LYNX1: variants seen among roughly 807,000 people sequenced by gnomAD.
LYNX1 encodes ly-6/neurotoxin-like protein 1.
Under a neutral mutation model 8.3 loss-of-function variants are expected in LYNX1, and 8 were observed. The ratio of observed to expected loss-of-function variants is 0.97; its 90% CI spans 0.57 to 1.74. LYNX1 has a LOEUF of 1.74. Among genes scored for constraint, LYNX1 ranks in the 40% most tolerant of loss-of-function variants. The pLI is 0.00. For missense variants in LYNX1, 158 were observed against 159.7 expected, an observed-to-expected ratio of 0.99 and a Z score of 0.06; for synonymous variants, 73 against 67.9, an observed-to-expected ratio of 1.08 and a Z score of -0.37.
chr8:142,774,743 C>T lies in LYNX1; in HGVS notation c.*424G>A, dbSNP rs1815330464. 1 of 1,037,186 alleles carries T rather than the reference C, an allele frequency of 9.6e-7. No individual in the cohort carries two copies. Among genetic ancestry groups the T allele is most frequent in the Non-Finnish European group, 1.2e-6 (1 of 862,346 alleles). 64.2% of individuals were successfully genotyped at this position (1,037,186 alleles called of 1,614,324 possible). A position where few individuals can be genotyped will look rare whatever the true frequency, so the allele number is the denominator to read the frequency against. On this transcript the variant is annotated 3_prime_UTR_variant, in exon 4 of 4. Coordinates refer to ENST00000652477, the MANE Select transcript of LYNX1 (RefSeq NM_177477.4). Reference sequence around the variant, plus strand: ...GAGGAGCCTTTCCTCCTAAGAGTCTCCCCACCACCCCACCTGCGGGCATTC... The same window carrying T: ...GAGGAGCCTTTCCTCCTAAGAGTCTTCCCACCACCCCACCTGCGGGCATTC...
rs1815208162 is a variant in LYNX1, at chr8:142,772,114, C to T, written c.*3053G>A. The T allele has an allele frequency of 1.0e-6, 1 of 986,270 alleles. No individual in the cohort carries two copies. Among genetic ancestry groups the T allele is most frequent in the South Asian group, 4.7e-5 (1 of 21,304 alleles). The allele number at this position is 986,270 out of a possible 1,614,324, so 61.1% of individuals were successfully genotyped here. On this transcript the variant is annotated 3_prime_UTR_variant, in exon 4 of 4. Transcript: ENST00000652477. ...CCCAAGCAGCCACTCCTGTCCAGTT[C>T]CCAGAATGTATAACATCCTAGGGTG...
chr8:142,775,873 T>C, intron 2 of LYNX1, 33 bp downstream of exon 2: 1 of 1,613,760 alleles, frequency 6.2e-7, no homozygotes, highest in South Asian at 1.1e-5. Context: ...TCAAAGTGGG[T>C]CTGCCCATCC....
rs1001337475 is a variant in LYNX1 at position 142,777,183 on chromosome 8, G to C, written c.-242C>G. The C allele has an allele frequency of 6.5e-6, 1 of 152,742 alleles. No individual in the cohort carries two copies. Among genetic ancestry groups the C allele is most frequent in the African/African-American group, 2.4e-5 (1 of 41,468 alleles). The allele number at this position is 152,742 out of a possible 1,614,324, so 9.5% of individuals were successfully genotyped here. On this transcript the variant is annotated 5_prime_UTR_variant, in exon 1 of 4. Coordinates refer to ENST00000652477, the MANE Select transcript of LYNX1 (RefSeq NM_177477.4). ...CGCTCGCCGGTAGGTGCCTGCCTGAGTCTAATCGTAGGCGTGTCTGTGTGT... is the reference window on the plus strand; with the variant it reads ...CGCTCGCCGGTAGGTGCCTGCCTGACTCTAATCGTAGGCGTGTCTGTGTGT...
chr8:142,776,153 G>A lies in LYNX1; in HGVS notation c.-164-32C>T, dbSNP rs1815416405. On this transcript the variant is annotated intron_variant, in intron 1 of 3. Transcript: ENST00000652477. ...AGCAGGTGGCAAAGACAGGTGGTCA[G>A]TACTGGGCCTGAAGGACCCATGGGG... 3 of 642,040 alleles carry A rather than the reference G, an allele frequency of 4.7e-6. No individual in the cohort carries two copies. In the East Asian group the frequency reaches 8.5e-5, roughly 18 times the overall value. 39.8% of individuals were successfully genotyped at this position (642,040 alleles called of 1,614,324 possible). A position where few individuals can be genotyped will look rare whatever the true frequency, so the allele number is the denominator to read the frequency against.
Position 142,771,622 on chromosome 8 carries a change from A to G in LYNX1, c.*3545T>C. 1.0e-6 allele frequency: 1 copy of G among 985,762 alleles called. No homozygotes were observed. Among genetic ancestry groups the G allele is most frequent in the Non-Finnish European group, 1.2e-6 (1 of 829,954 alleles). 61.1% of individuals were successfully genotyped at this position (985,762 alleles called of 1,614,324 possible). ...CCTCCCTGCGAGCTGAGGTTTGAAG[A>G]GGAGAGCAGACCACCCAGAGTAGTG... On this transcript the variant is annotated 3_prime_UTR_variant, in exon 4 of 4. Coordinates refer to ENST00000652477, the MANE Select transcript of LYNX1 (RefSeq NM_177477.4).
Position 142,775,011 on chromosome 8 carries a change from G to A in LYNX1, c.*156C>T. 1 of 1,439,198 alleles carries A rather than the reference G, an allele frequency of 6.9e-7. No individual in the cohort carries two copies. Among genetic ancestry groups the A allele is most frequent in the Non-Finnish European group, 9.1e-7 (1 of 1,100,586 alleles). The allele number at this position is 1,439,198 out of a possible 1,614,324, so 89.2% of individuals were successfully genotyped here. ...CTCGAAGTGAGGTCGTGTGGTGGTT[G>A]GGGGAGGTCGGGTGTCTTCTTGCCC... is the stretch of plus-strand genomic sequence containing the variant. On this transcript the variant is annotated 3_prime_UTR_variant, in exon 4 of 4. Coordinates refer to ENST00000652477, the MANE Select transcript of LYNX1 (RefSeq NM_177477.4).
Position 142,771,778 on chromosome 8 carries a change from G to T in LYNX1, c.*3389C>A, listed in dbSNP as rs922608111. 6.1e-6 allele frequency: 6 copies of T among 985,704 alleles called. No homozygotes were observed. Among genetic ancestry groups the T allele is most frequent in the African/African-American group, 5.2e-5 (3 of 57,192 alleles). The allele number at this position is 985,704 out of a possible 1,614,324, so 61.1% of individuals were successfully genotyped here. A position where few individuals can be genotyped will look rare whatever the true frequency, so the allele number is the denominator to read the frequency against. On this transcript the variant is annotated 3_prime_UTR_variant, in exon 4 of 4. Transcript: ENST00000652477. Reference sequence around the variant, plus strand: ...GATGACGAATCAGATGCTACATAGTGGGGGAGGCGGCAGCTGGCCTGGCTC... The same window carrying T: ...GATGACGAATCAGATGCTACATAGTTGGGGAGGCGGCAGCTGGCCTGGCTC...
rs1815273611 is a variant in LYNX1, at chr8:142,773,671, C to T, written c.*1496G>A. The T allele has an allele frequency of 4.1e-6, 4 of 985,372 alleles. No individual in the cohort carries two copies. Among genetic ancestry groups the T allele is most frequent in the Non-Finnish European group, 4.8e-6 (4 of 829,918 alleles). 61.0% of individuals were successfully genotyped at this position (985,372 alleles called of 1,614,324 possible). A position where few individuals can be genotyped will look rare whatever the true frequency, so the allele number is the denominator to read the frequency against. On this transcript the variant is annotated 3_prime_UTR_variant, in exon 4 of 4. Coordinates refer to ENST00000652477, the MANE Select transcript of LYNX1 (RefSeq NM_177477.4). Reference sequence around the variant, plus strand: ...GCAAGGAGACCCCTGGGGTGGAGACCCTCATTCCCTGATCCCCCAGGGGTC... The same window carrying T: ...GCAAGGAGACCCCTGGGGTGGAGACTCTCATTCCCTGATCCCCCAGGGGTC...
rs1030045433 is a variant in LYNX1 at position 142,772,999 on chromosome 8, G to A, written c.*2168C>T. The A allele has an allele frequency of 5.1e-6, 5 of 985,590 alleles. No individual in the cohort carries two copies. Among genetic ancestry groups the A allele is most frequent in the Non-Finnish European group, 6.0e-6 (5 of 830,040 alleles). The allele number at this position is 985,590 out of a possible 1,614,324, so 61.1% of individuals were successfully genotyped here. A position where few individuals can be genotyped will look rare whatever the true frequency, so the allele number is the denominator to read the frequency against. On this transcript the variant is annotated 3_prime_UTR_variant, in exon 4 of 4. Coordinates refer to ENST00000652477, the MANE Select transcript of LYNX1 (RefSeq NM_177477.4). ...GTTCTCAGCTGCCCCTGAGCCATGGGTGGCCAGGTCTCCTCCCCATCACCC... is the reference window on the plus strand; with the variant it reads ...GTTCTCAGCTGCCCCTGAGCCATGGATGGCCAGGTCTCCTCCCCATCACCC...
In LYNX1 at chr8:142,772,543, G is replaced by A. The variant is rs940391295; in HGVS notation, c.*2624C>T. On this transcript the variant is annotated 3_prime_UTR_variant, in exon 4 of 4. Coordinates refer to ENST00000652477, the MANE Select transcript of LYNX1 (RefSeq NM_177477.4). ...TGAGTGAGCGAGGAGGCACTAGTGT[G>A]GGGCAGCTACTTCACCTCCCTGTGC... The A allele has an allele frequency of 2.0e-6, 2 of 985,430 alleles. No homozygotes were observed. Among genetic ancestry groups the A allele is most frequent in the Non-Finnish European group, 2.4e-6 (2 of 830,006 alleles). 61.0% of individuals were successfully genotyped at this position (985,430 alleles called of 1,614,324 possible). A position where few individuals can be genotyped will look rare whatever the true frequency, so the allele number is the denominator to read the frequency against.
chr8:142,773,782 T>C lies in LYNX1; in HGVS notation c.*1385A>G, dbSNP rs1815279379. ...TTGGGGCCGGGACAATCCTACCACA[T>C]GGATATGTCACCATCCTGCCCATGC... On this transcript the variant is annotated 3_prime_UTR_variant, in exon 4 of 4. Coordinates refer to ENST00000652477, the MANE Select transcript of LYNX1 (RefSeq NM_177477.4). 1 of 985,112 alleles carries C rather than the reference T, an allele frequency of 1.0e-6. No homozygotes were observed. 61.0% of individuals were successfully genotyped at this position (985,112 alleles called of 1,614,324 possible). A position where few individuals can be genotyped will look rare whatever the true frequency, so the allele number is the denominator to read the frequency against.
Position 142,775,935 on chromosome 8 carries a change from A to C in LYNX1, c.23T>G (p.Ile8Ser). ...AGGTAAGCCCATGAGGACCACCAGG[A>C]TCAGGGTGAGCAGGGGCGTCATGGC... is the stretch of plus-strand genomic sequence containing the variant. The part of the protein sequence containing the change: MTPLLTL[I>S]LVVLMGLPLA... Residue 8 changes from isoleucine to serine, a missense_variant, in exon 2 of 4, where the codon ATC becomes AGC. Coordinates refer to ENST00000652477, the MANE Select transcript of LYNX1 (RefSeq NM_177477.4). The C allele has an allele frequency of 6.2e-7, 1 of 1,614,106 alleles. No homozygotes were observed. The highest frequency in any genetic ancestry group is 8.5e-7 in the Non-Finnish European group (1 of 1,180,002).
chr8:142,774,549 T>C lies in LYNX1; in HGVS notation c.*618A>G. On this transcript the variant is annotated 3_prime_UTR_variant, in exon 4 of 4. Coordinates refer to ENST00000652477, the MANE Select transcript of LYNX1 (RefSeq NM_177477.4). Reference sequence around the variant, plus strand: ...AAAGCTTCTGTGACTTCGGGGGCCCTGGGGCCTGCTGAGGCAGAGCCGCCC... The same window carrying C: ...AAAGCTTCTGTGACTTCGGGGGCCCCGGGGCCTGCTGAGGCAGAGCCGCCC... 1.0e-6 allele frequency: 1 copy of C among 985,724 alleles called. No homozygotes were observed. Among genetic ancestry groups the C allele is most frequent in the Non-Finnish European group, 1.2e-6 (1 of 830,174 alleles). The allele number at this position is 985,724 out of a possible 1,614,324, so 61.1% of individuals were successfully genotyped here.
Position 142,771,934 on chromosome 8 carries a change from G to C in LYNX1, c.*3233C>G, listed in dbSNP as rs1354610282. The C allele has an allele frequency of 5.1e-6, 5 of 985,884 alleles. No homozygotes were observed. The highest frequency in any genetic ancestry group is 6.0e-6 in the Non-Finnish European group (5 of 830,094). 61.1% of individuals were successfully genotyped at this position (985,884 alleles called of 1,614,324 possible). A position where few individuals can be genotyped will look rare whatever the true frequency, so the allele number is the denominator to read the frequency against. On this transcript the variant is annotated 3_prime_UTR_variant, in exon 4 of 4. Coordinates refer to ENST00000652477, the MANE Select transcript of LYNX1 (RefSeq NM_177477.4). The stretch of plus-strand genomic sequence containing the variant: ...CCATGCTGACCTGGCCATGTCCCCA[G>C]GTCCCACCCCAGGGTCACTTCCTGT...
Position 142,774,039 on chromosome 8 carries a change from C to G in LYNX1, c.*1128G>C, listed in dbSNP as rs1015233421. 3.0e-6 allele frequency: 3 copies of G among 985,386 alleles called. No individual in the cohort carries two copies. In the African/African-American group the frequency reaches 5.2e-5, roughly 17 times the overall value. The allele number at this position is 985,386 out of a possible 1,614,324, so 61.0% of individuals were successfully genotyped here. A position where few individuals can be genotyped will look rare whatever the true frequency, so the allele number is the denominator to read the frequency against. ...GGTCCCTGGGAGTCCACACACCCAG[C>G]TGGGGCTTCCACCCTGCCCTCCCAG... is the stretch of plus-strand genomic sequence containing the variant. On this transcript the variant is annotated 3_prime_UTR_variant, in exon 4 of 4. Transcript: ENST00000652477.
At position 142,773,901 on chromosome 8, in the gene LYNX1, C is replaced by T. The variant is rs978859193; in HGVS notation, c.*1266G>A. The T allele has an allele frequency of 2.0e-6, 2 of 985,310 alleles. No homozygotes were observed. The highest frequency in any genetic ancestry group is 1.2e-4 in the Admixed American group (2 of 16,268). 61.0% of individuals were successfully genotyped at this position (985,310 alleles called of 1,614,324 possible). A position where few individuals can be genotyped will look rare whatever the true frequency, so the allele number is the denominator to read the frequency against. On this transcript the variant is annotated 3_prime_UTR_variant, in exon 4 of 4. Transcript: ENST00000652477. ...AGCGTGACCGCTGGCACCAAAAGGT[C>T]TCACGCCCCCGAATGCCCCATTCAC...
chr8:142,773,467 C>T lies in LYNX1; in HGVS notation c.*1700G>A, dbSNP rs138073447. The T allele has an allele frequency of 2.4e-4, 234 of 985,524 alleles. No individual in the cohort carries two copies. The African/African-American group carries it at 3.7e-3, about 15-fold the overall frequency. The allele number at this position is 985,524 out of a possible 1,614,324, so 61.0% of individuals were successfully genotyped here. The stretch of plus-strand genomic sequence containing the variant: ...CTGGGGAGTCACGTTCCTCCCGCTC[C>T]GGGCCCGTTCCCACCCAAGGTCCCT... On this transcript the variant is annotated 3_prime_UTR_variant, in exon 4 of 4. Transcript: ENST00000652477.
At position 142,775,068 on chromosome 8, in the gene LYNX1, T is replaced by G. The variant is rs1587615012; in HGVS notation, c.*99A>C. 1.3e-6 allele frequency: 2 copies of G among 1,489,416 alleles called. No homozygotes were observed. Among genetic ancestry groups the G allele is most frequent in the Non-Finnish European group, 1.8e-6 (2 of 1,121,296 alleles). 92.3% of individuals were successfully genotyped at this position (1,489,416 alleles called of 1,614,324 possible). On this transcript the variant is annotated 3_prime_UTR_variant, in exon 4 of 4. Transcript: ENST00000652477. ...CTGACCCTGGGCATGGCTGAGGAGG[T>G]CGCAGGGAGTGTGGAGGGTGAGGCA...
chr8:142,774,284 C>G lies in LYNX1; in HGVS notation c.*883G>C, dbSNP rs1163655692. On this transcript the variant is annotated 3_prime_UTR_variant, in exon 4 of 4. Coordinates refer to ENST00000652477, the MANE Select transcript of LYNX1 (RefSeq NM_177477.4). ...CCTGTGCGCGCATCCCCCAGTCCTG[C>G]GTCTTTTGCCTTGCTCGGCTGGGTC... The G allele has an allele frequency of 4.5e-5, 44 of 985,456 alleles. No homozygotes were observed. Among genetic ancestry groups the G allele is most frequent in the Non-Finnish European group, 5.2e-5 (43 of 830,050 alleles). The allele number at this position is 985,456 out of a possible 1,614,324, so 61.0% of individuals were successfully genotyped here. A position where few individuals can be genotyped will look rare whatever the true frequency, so the allele number is the denominator to read the frequency against.
Sources: allele counts gnomAD v4.1 joint callset, GRCh38; gene constraint gnomAD v4.1.1; transcripts MANE v1.5; gene names NCBI Gene and HGNC (gene_info 2026-07-23, HGNC 2026-07-21).